OVCH1: variants seen among roughly 807,000 people sequenced by gnomAD.
The protein encoded by OVCH1 is ovochymase 1, also known as ovochymase-1.
Under a neutral mutation model 138.4 loss-of-function variants are expected in OVCH1, and 139 were observed. The observed-to-expected ratio is 1.00, with a 90% CI of 0.87 to 1.16. The LOEUF (loss-of-function observed/expected upper bound fraction) is 1.16, where lower values mean the gene tolerates loss of function less well. OVCH1 is among the 50% of genes most tolerant of loss of function. OVCH1 has a pLI of 0.00. For synonymous variants in OVCH1, 453 were observed against 467.8 expected (o/e 0.97, Z 0.41); for missense variants, 1,367 against 1,357.9 (o/e 1.01, Z -0.11).
At chr12:29,467,047 G>A (rs1326550473) in intron 16 of OVCH1, among the ~76,000 whole-genome samples, 2 of 151,980 alleles carry the variant, frequency 1.3e-5, no homozygotes, top group Non-Finnish European at 2.9e-5. Context: ...GTTTCAATAT[G>A]CCTTTATTAA....
intron 27 of OVCH1, among the ~76,000 whole-genome samples, chr12:29,427,799 G>A (rs1427304099): frequency 1.3e-5 from 2 of 152,152 alleles, no homozygotes; most frequent in African/African-American, 4.8e-5. Flanking sequence ...TACAGAAATT[G>A]CATGGTTCAT....
At chr12:29,461,721 G>A in intron 19 of OVCH1, 133 bp downstream of exon 19, 1 of 1,107,022 alleles carries the variant, frequency 9.0e-7, no homozygotes, top group Non-Finnish European at 1.3e-6. Flanking sequence ...TTGCCCCACT[G>A]GTCTTCATGC....
intron 17 of OVCH1, 116 bp downstream of exon 17, chr12:29,465,031 G>A (rs1942268853): frequency 1.2e-6 from 1 of 856,402 alleles, no homozygotes; most frequent in Non-Finnish European, 1.8e-6. Context: ...TAAATAATAA[G>A]TGTGAAAGGG....
At chr12:29,477,677 C>A (rs1054963805) in intron 9 of OVCH1, 199 bp from the exon 11 acceptor site, 4 of 1,382,550 alleles carry the variant, frequency 2.9e-6, no homozygotes, top group African/African-American at 2.9e-5. Context: ...CCCAGTCTCA[C>A]ATGTCCAAAT....
In OVCH1 at chr12:29,477,403, T is replaced by C. The variant is rs765408527; in HGVS notation, c.1184A>G (p.Asp395Gly). 4 of 1,613,882 alleles carry C rather than the reference T, an allele frequency of 2.5e-6. No individual in the cohort carries two copies. In the African/African-American group the frequency reaches 5.3e-5, roughly 22 times the overall value. The change falls in exon 11 of 28, where the codon GAT (aspartate) becomes GGT (glycine). Residue 395 changes from aspartate (D) to glycine (G), a missense_variant. Physicochemically the swap from Asp to Gly is moderately conservative, Grantham distance 94. Transcript: ENST00000318184. Reference sequence around the variant, plus strand: ...AAAGCCACTGCCACTGTCTTCTGTATCAGAAACAAATGGAACCATGGCCTC... The same window carrying C: ...AAAGCCACTGCCACTGTCTTCTGTACCAGAAACAAATGGAACCATGGCCTC...
At chr12:29,494,122 T>C (rs1943348227) in intron 4 of OVCH1, among the ~76,000 whole-genome samples, 1 of 152,156 alleles carries the variant, frequency 6.6e-6, no homozygotes, top group African/African-American at 2.4e-5. Flanking sequence ...GACAAGTAAG[T>C]GTCCTTATTC....
In OVCH1 at chr12:29,459,750, A is replaced by G. The variant is rs909696477; in HGVS notation, c.2280+2104T>C. On this transcript the variant is annotated intron_variant, in intron 19 of 27. Coordinates refer to ENST00000318184, the Ensembl canonical transcript of OVCH1. ...AAAATCTCATGTCCCCCATAAATAT[A>G]TATGCCTACTATATACCCACAAAAT... Among the ~76,000 whole-genome samples the G allele has an allele frequency of 3.3e-5, 5 of 152,254 alleles. 1 individual carries two copies. The South Asian group carries it at 8.3e-4, about 25-fold the overall frequency.
At chr12:29,409,589 T>C (rs1940926597), downstream of OVCH1, among the ~76,000 whole-genome samples, 3 of 152,266 alleles carry the variant, frequency 2.0e-5, no homozygotes, top group South Asian at 2.1e-4. Context: ...CAGGAGCAGG[T>C]TGTTCAGTTT....
intron 25 of OVCH1, among the ~76,000 whole-genome samples, chr12:29,441,621 G>T (rs905544960): frequency 1.3e-5 from 2 of 152,118 alleles, no homozygotes; most frequent in African/African-American, 4.8e-5. Flanking sequence ...ATTGACAAAT[G>T]GGATCTAATT....
chr12:29,449,238 T>A (rs1282063048), intron 22 of OVCH1, among the ~76,000 whole-genome samples: 2 of 137,494 alleles, frequency 1.5e-5, no homozygotes, highest in Admixed American at 7.3e-5. Flanking sequence ...CCACTATGTT[T>A]GAAGAAGTTG....
chr12:29,451,191 A>T (rs1421999576), intron 22 of OVCH1, among the ~76,000 whole-genome samples, 154 bp downstream of exon 22: 7 of 152,006 alleles, frequency 4.6e-5, no homozygotes, highest in African/African-American at 1.7e-4. Context: ...AATAATAAAG[A>T]AAATGTTAAG....
rs199847502 is a variant in OVCH1 at position 29,495,362 on chromosome 12, G to C, written c.377C>G (p.Thr126Ser). Residue 126 changes from threonine (T) to serine (S), a missense_variant, in exon 4 of 28, where the codon ACC (threonine) becomes AGC (serine). Transcript: ENST00000318184. ...TTCACGGCTGTTGTATTCAGGATGG[G>C]TAATAATTTTTGAGACAGGAATATT... 901 of 1,612,976 alleles carry C rather than the reference G, an allele frequency of 5.6e-4. 1 individual carries two copies. The highest frequency in any genetic ancestry group is 7.4e-4 in the Non-Finnish European group (873 of 1,179,270).
chr12:29,472,106 A>T (rs1312394929), intron 15 of OVCH1, 124 bp from the exon 16 acceptor site: 1 of 1,044,294 alleles, frequency 9.6e-7, no homozygotes, highest in Non-Finnish European at 1.3e-6. Context: ...AATAATATTG[A>T]CTCCCAAAAC....
At chr12:29,425,712 A>C (rs759661967), downstream of OVCH1, among the ~76,000 whole-genome samples, 7 of 152,234 alleles carry the variant, frequency 4.6e-5, no homozygotes, top group African/African-American at 7.2e-5. Context: ...AAGAGTTTTC[A>C]TCTTCATGAG....
chr12:29,418,370 A>G (rs1443524339), intron 3 of OVCH1, among the ~76,000 whole-genome samples: 4 of 152,248 alleles, frequency 2.6e-5, no homozygotes, highest in Non-Finnish European at 5.9e-5. Context: ...ATAGGAAAAG[A>G]ATCAAAATTA....
chr12:29,405,500 G>T, the OVCH1 span, among the ~76,000 whole-genome samples: 1 of 152,122 alleles, frequency 6.6e-6, no homozygotes, highest in Non-Finnish European at 1.5e-5. Flanking sequence ...ATAAACCTAG[G>T]CAAATGCTTT....
intron 2 of OVCH1, 50 bp downstream of exon 2, chr12:29,496,506 A>C: frequency 6.8e-7 from 1 of 1,468,700 alleles, no homozygotes; most frequent in Non-Finnish European, 9.4e-7. Context: ...AAACAAAGGA[A>C]ATATTTCACT....
chr12:29,422,150 C>T (rs1011588702), intron 3 of OVCH1, among the ~76,000 whole-genome samples: 2 of 152,034 alleles, frequency 1.3e-5, no homozygotes, highest in African/African-American at 4.8e-5. Context: ...GCTGTTTGTA[C>T]ACATGTGTAA....
chr12:29,487,208 G>A (rs961243489), intron 7 of OVCH1: 15 of 195,952 alleles, frequency 7.7e-5, no homozygotes, highest in Non-Finnish European at 1.4e-4. Context: ...TTCTGCAGAC[G>A]ACAGGTTTGG....
Sources: gnomAD v4.1 joint callset for allele counts (sites outside exome capture counted in the v4.1 genomes callset) on GRCh38, gnomAD v4.1.1 for gene constraint, MANE v1.5 for transcripts, NCBI Gene and HGNC (gene_info 2026-07-23, HGNC 2026-07-21) for gene names.